TGM4: variants seen among roughly 807,000 people sequenced by gnomAD.
TGM4 encodes the protein transglutaminase 4, also known as protein-glutamine gamma-glutamyltransferase 4.
In TGM4, 61 loss-of-function variants were observed where a neutral mutation model predicts 76.3. The observed-to-expected ratio is 0.80, with a 90% CI of 0.65 to 0.99. TGM4 has a LOEUF of 0.99. Among genes scored for constraint, TGM4 ranks in the 50% least tolerant of loss-of-function variants. The pLI, the probability that TGM4 is intolerant of heterozygous loss-of-function variation, is 0.00. For missense variants in TGM4, 794 were observed against 843.2 expected, an observed-to-expected ratio of 0.94 and a Z score of 0.72; for synonymous variants, 337 against 329.8, an observed-to-expected ratio of 1.02 and a Z score of -0.24.
intron 1 of TGM4, among the ~76,000 whole-genome samples, chr3:44,876,863 G>T (rs1699457893): frequency 6.6e-6 from 1 of 152,166 alleles, no homozygotes; most frequent in Non-Finnish European, 1.5e-5. Flanking sequence ...TATAAAAAGA[G>T]CTCTCAGATC....
chr3:44,903,846 G>A (rs758209507), intron 8 of TGM4, 38 bp from the exon 9 acceptor site: 3 of 1,583,478 alleles, frequency 1.9e-6, no homozygotes, highest in Admixed American at 3.3e-5. Flanking sequence ...TAGGTTTGGG[G>A]GTGGTCCGGG....
At chr3:44,885,581 G>T in intron 2 of TGM4, 83 bp downstream of exon 2, 1 of 1,470,058 alleles carries the variant, frequency 6.8e-7, no homozygotes, top group Non-Finnish European at 9.2e-7. Flanking sequence ...TTTCTGGTCA[G>T]TCTGAGCCAG....
chr3:44,895,249 G>C (rs1699764322), intron 5 of TGM4, among the ~76,000 whole-genome samples: 1 of 152,116 alleles, frequency 6.6e-6, no homozygotes, highest in African/African-American at 2.4e-5. Context: ...GAGCCGAGAT[G>C]GCGCCACTGT....
At chr3:44,902,486 G>T (rs1363643794) in intron 8 of TGM4, among the ~76,000 whole-genome samples, 2 of 152,160 alleles carry the variant, frequency 1.3e-5, no homozygotes, top group African/African-American at 4.8e-5. Context: ...TGTAATCCCA[G>T]CTACTTGGTA....
At chr3:44,876,959 T>C (rs1002476866) in intron 1 of TGM4, among the ~76,000 whole-genome samples, 6 of 152,072 alleles carry the variant, frequency 3.9e-5, no homozygotes, top group African/African-American at 1.4e-4. Context: ...TAAATTGTAA[T>C]ATATGAAAAG....
intron 1 of TGM4, among the ~76,000 whole-genome samples, chr3:44,880,483 A>G (rs1232301208): frequency 6.6e-6 from 1 of 151,800 alleles, no homozygotes; most frequent in African/African-American, 2.4e-5. Flanking sequence ...TGGGAAGGAG[A>G]CTCTCCAGGA....
rs764787433 is a variant in TGM4, at chr3:44,885,336, C to T, written c.31C>T (p.Leu11Phe). MMDASKELQV[L>F]HIDFLNQDNA... is the part of the protein sequence containing the mutation. The stretch of plus-strand genomic sequence containing the variant: ...TGCGTTGCTGACAGAGCTGCAAGTT[C>T]TCCACATTGACTTCTTGAATCAGGA... Residue 11 changes from leucine to phenylalanine, a missense_variant, in exon 2 of 14, where the codon CTC becomes TTC. Leu to Phe is a conservative substitution (Grantham distance 22). Transcript: ENST00000296125. 1 of 1,607,228 alleles carries T rather than the reference C, an allele frequency of 6.2e-7. No individual in the cohort carries two copies. The highest frequency in any genetic ancestry group is 8.5e-7 in the Non-Finnish European group (1 of 1,174,404).
At chr3:44,888,878 C>G (rs576274109) in intron 3 of TGM4, 1 of 152,024 alleles carries the variant, frequency 6.6e-6, no homozygotes, top group Non-Finnish European at 1.5e-5. Context: ...GGGGAGTTAG[C>G]CTTGTGGATT....
rs111698725 is a variant in TGM4 at position 44,912,710 on chromosome 3, T to C, written c.1914-874T>C. On this transcript the variant is annotated intron_variant, in intron 13 of 13. Transcript: ENST00000296125. ...CAAATGACAATATTGTGTCTTGCCA[T>C]CTAGGAATATGAGATTTTCCCATTT... Among the ~76,000 whole-genome samples, 999 of 152,360 alleles carry C rather than the reference T, an allele frequency of 6.6e-3. 11 individuals carry two copies. Among genetic ancestry groups the C allele is most frequent in the African/African-American group, 0.023 (962 of 41,580 alleles).
intron 4 of TGM4, among the ~76,000 whole-genome samples, chr3:44,891,970 A>G (rs1699704971): frequency 7.5e-6 from 1 of 133,356 alleles, no homozygotes; most frequent in Non-Finnish European, 1.6e-5. Flanking sequence ...AAGGAAAAAA[A>G]AAAATAGGCC....
intron 4 of TGM4, among the ~76,000 whole-genome samples, chr3:44,891,775 C>T (rs1164119981): frequency 7.3e-5 from 11 of 151,224 alleles, no homozygotes; most frequent in Non-Finnish European, 4.4e-5. Flanking sequence ...GAGATCGAGA[C>T]CATCCTGGCT....
At chr3:44,912,629 G>A (rs572427852) in intron 13 of TGM4, among the ~76,000 whole-genome samples, 3 of 152,210 alleles carry the variant, frequency 2.0e-5, no homozygotes, top group South Asian at 4.2e-4. Context: ...TAAAACAGCT[G>A]GGATTTAGAT....
chr3:44,904,829 A>C (rs1207209610), intron 9 of TGM4, among the ~76,000 whole-genome samples: 4 of 149,272 alleles, frequency 2.7e-5, no homozygotes, highest in Admixed American at 1.3e-4. Context: ...CTACAGGTGC[A>C]CACCACCATG....
intron 6 of TGM4, among the ~76,000 whole-genome samples, chr3:44,900,215 G>A (rs1379476363): frequency 6.6e-6 from 1 of 152,224 alleles, no homozygotes; most frequent in Non-Finnish European, 1.5e-5. Context: ...CTGACAGGCT[G>A]GGGCCGCTTA....
intron 1 of TGM4, among the ~76,000 whole-genome samples, chr3:44,878,661 T>C (rs1415097128): frequency 1.3e-5 from 2 of 151,956 alleles, no homozygotes; most frequent in African/African-American, 2.4e-5. Context: ...TTTTTATTTT[T>C]AGTAGAGATG....
intron 10 of TGM4, among the ~76,000 whole-genome samples, chr3:44,908,945 A>G (rs1240873872): frequency 1.3e-5 from 2 of 152,120 alleles, no homozygotes; most frequent in Non-Finnish European, 2.9e-5. Flanking sequence ...TAATATGGCA[A>G]CTCTGGAAAT....
At chr3:44,903,739 C>T (rs2125757908) in intron 8 of TGM4, 145 bp from the exon 9 acceptor site, 2 of 745,008 alleles carry the variant, frequency 2.7e-6, no homozygotes, top group Non-Finnish European at 4.7e-6. Flanking sequence ...CCCTTCCTTG[C>T]CAGTGTTGAC....
intron 1 of TGM4, among the ~76,000 whole-genome samples, chr3:44,883,407 A>C (rs1176800306): frequency 6.6e-6 from 1 of 152,196 alleles, no homozygotes; most frequent in Non-Finnish European, 1.5e-5. Context: ...GCCTTCTGCT[A>C]TGTTACAATG....
At chr3:44,876,836 C>A (rs1291980494) in intron 1 of TGM4, among the ~76,000 whole-genome samples, 5 of 152,118 alleles carry the variant, frequency 3.3e-5, no homozygotes, top group African/African-American at 1.2e-4. Context: ...ATATGAGAAG[C>A]AAATGCTGTT....
Sources: gnomAD v4.1 joint callset for allele counts (sites outside exome capture counted in the v4.1 genomes callset) on GRCh38, gnomAD v4.1.1 for gene constraint, MANE v1.5 for transcripts, NCBI Gene and HGNC (gene_info 2026-07-23, HGNC 2026-07-21) for gene names.